Variants in CNTN1 observed in about 807,000 individuals in gnomAD.
The protein encoded by CNTN1 is contactin-1.
In CNTN1, 38 loss-of-function variants were observed where a neutral mutation model predicts 126.4. That is an observed-to-expected ratio of 0.30 (90% CI 0.23 to 0.39). The LOEUF is 0.39. Ranked by LOEUF, CNTN1 falls within the 10% of genes least tolerant of loss-of-function variation. The probability of loss-of-function intolerance (pLI) is 1.00; values close to 1 mark genes in which losing one functional copy is unlikely to be tolerated. For synonymous variants in CNTN1, 413 were observed against 422.6 expected (o/e 0.98, Z 0.28); for missense variants, 1,009 against 1,248.4 (o/e 0.81, Z 2.89).
At chr12:40,832,519 G>A (rs979700398) in intron 1 of CNTN1, among the ~76,000 whole-genome samples, 2 of 152,142 alleles carry the variant, frequency 1.3e-5, no homozygotes, top group African/African-American at 4.8e-5. Context: ...TATGAAGTAG[G>A]CTAGACCATC....
chr12:40,951,470 A>G (rs1003416056), intron 14 of CNTN1, among the ~76,000 whole-genome samples: 47 of 152,068 alleles, frequency 3.1e-4, no homozygotes. Flanking sequence ...ATATTGATGC[A>G]TTTCTTAAAA....
intron 1 of CNTN1, among the ~76,000 whole-genome samples, chr12:40,796,800 T>C (rs1455817818): frequency 6.6e-6 from 1 of 152,010 alleles, no homozygotes; most frequent in East Asian, 1.9e-4. Flanking sequence ...TAACACCACA[T>C]AGACCAAAAA....
chr12:40,920,418 T>C (rs1945394202), intron 4 of CNTN1, among the ~76,000 whole-genome samples: 1 of 151,946 alleles, frequency 6.6e-6, no homozygotes, highest in African/African-American at 2.4e-5. Flanking sequence ...TTTGGCCTGG[T>C]TATCCATACA....
chr12:40,934,141 C>A (rs568382774), intron 9 of CNTN1, among the ~76,000 whole-genome samples: 4 of 152,140 alleles, frequency 2.6e-5, no homozygotes, highest in Non-Finnish European at 1.5e-5. Context: ...AGAATATACA[C>A]TTAATGTAGT....
At chr12:40,964,293 G>A (rs1014969955) in intron 15 of CNTN1, among the ~76,000 whole-genome samples, 1 of 151,998 alleles carries the variant, frequency 6.6e-6, no homozygotes, top group Non-Finnish European at 1.5e-5. Flanking sequence ...AAAAGAAAAC[G>A]ACTTTGCTAT....
chr12:41,043,443 A>T (rs918833557), intron 23 of CNTN1, among the ~76,000 whole-genome samples: 8 of 152,252 alleles, frequency 5.3e-5, no homozygotes, highest in Non-Finnish European at 7.3e-5. Context: ...TGAAAACCAC[A>T]ATGAGATACC....
At chr12:41,009,476 G>A (rs1476312882) in intron 17 of CNTN1, among the ~76,000 whole-genome samples, 1 of 152,140 alleles carries the variant, frequency 6.6e-6, no homozygotes, top group African/African-American at 2.4e-5. Flanking sequence ...TAACCCACTG[G>A]CTGTTGAGCT....
At chr12:40,905,399 C>A (rs902284513) in intron 1 of CNTN1, among the ~76,000 whole-genome samples, 2 of 152,148 alleles carry the variant, frequency 1.3e-5, no homozygotes, top group East Asian at 3.9e-4. Context: ...CTTAATTCTT[C>A]ACCTTTATTT....
chr12:40,977,922 C>A (rs1947724702), intron 15 of CNTN1, among the ~76,000 whole-genome samples: 1 of 152,048 alleles, frequency 6.6e-6, no homozygotes, highest in Admixed American at 6.6e-5. Context: ...CCTGTCTCAG[C>A]CTCCTGAATA....
chr12:40,972,137 A>G lies in CNTN1; in HGVS notation c.1805-8772A>G, dbSNP rs972027819. On this transcript the variant is annotated intron_variant, in intron 15 of 23. Transcript: ENST00000551295. ...GTGAAAATGGATAGCATGTGGGGGA[A>G]ACCCTCATCTGAGTAGCAAGATTTT... is the stretch of plus-strand genomic sequence containing the variant. The G allele has an allele frequency of 6.4e-5, 63 of 984,886 alleles. 1 individual carries two copies. The highest frequency in any genetic ancestry group is 7.4e-5 in the Non-Finnish European group (61 of 829,580). The allele number at this position is 984,886 out of a possible 1,614,324, so 61.0% of individuals were successfully genotyped here.
At chr12:40,843,307 A>G (rs1034130132) in intron 1 of CNTN1, among the ~76,000 whole-genome samples, 3 of 152,222 alleles carry the variant, frequency 2.0e-5, no homozygotes, top group African/African-American at 7.2e-5. Context: ...ATGGGAAAAC[A>G]TTAGGTTGAA....
intron 1 of CNTN1, among the ~76,000 whole-genome samples, chr12:40,733,303 C>A (rs74078568): frequency 0.025 from 3,719 of 151,724 alleles, 144 homozygotes; most frequent in African/African-American, 0.085. Context: ...TGGTCACAAA[C>A]AAATAGCTTA....
At chr12:40,994,934 T>C (rs1369906090) in intron 17 of CNTN1, among the ~76,000 whole-genome samples, 1 of 152,076 alleles carries the variant, frequency 6.6e-6, no homozygotes, top group Non-Finnish European at 1.5e-5. Context: ...CAGATCTAAA[T>C]TTGAATTCTG....
At chr12:40,757,414 T>C (rs1047207693) in intron 1 of CNTN1, among the ~76,000 whole-genome samples, 1 of 152,292 alleles carries the variant, frequency 6.6e-6, no homozygotes, top group Non-Finnish European at 1.5e-5. Flanking sequence ...TTATAAGAAT[T>C]CCTATTATTG....
intron 1 of CNTN1, among the ~76,000 whole-genome samples, chr12:40,812,552 T>C (rs115810793): frequency 0.014 from 2,082 of 152,268 alleles, 47 homozygotes; most frequent in African/African-American, 0.044. Context: ...CCATCAGTTC[T>C]GTTAATATTT....
intron 12 of CNTN1, among the ~76,000 whole-genome samples, chr12:40,941,681 T>C (rs562029760): frequency 9.9e-5 from 15 of 152,104 alleles, no homozygotes; most frequent in Non-Finnish European, 1.8e-4. Context: ...TCACTTTTAT[T>C]TAAACCACTT....
In CNTN1 at chr12:40,767,596, C is replaced by T. The variant is rs375910545; in HGVS notation, c.-77+75004C>T. Among the ~76,000 whole-genome samples the T allele has an allele frequency of 6.0e-5, 9 of 149,990 alleles. No individual in the cohort carries two copies. In the East Asian group the frequency reaches 1.6e-3, roughly 27 times the overall value. On this transcript the variant is annotated intron_variant, in intron 1 of 23. Coordinates refer to ENST00000551295, the MANE Select transcript of CNTN1 (RefSeq NM_001843.4). ...GTGCTGGGATTACAGGCATGAGCCA[C>T]GGCTCCTGGCCCTTTTTTTGTTTGT...
intron 1 of CNTN1, among the ~76,000 whole-genome samples, chr12:40,733,845 A>G (rs1274583202): frequency 2.0e-5 from 3 of 152,054 alleles, no homozygotes; most frequent in African/African-American, 4.8e-5. Flanking sequence ...CTGATGCTTG[A>G]TTTGATTGCA....
intron 12 of CNTN1, among the ~76,000 whole-genome samples, chr12:40,941,476 C>T (rs151233112): frequency 6.6e-6 from 1 of 151,954 alleles, no homozygotes; most frequent in Non-Finnish European, 1.5e-5. Flanking sequence ...ATTTCTGTAT[C>T]TGGTTAGTGC....
Sources: allele counts gnomAD v4.1 joint callset (sites outside exome capture counted in the v4.1 genomes callset), GRCh38; gene constraint gnomAD v4.1.1; transcripts MANE v1.5; gene names NCBI Gene and HGNC (gene_info 2026-07-23, HGNC 2026-07-21).